MED12: variants seen among roughly 807,000 people sequenced by gnomAD.
MED12 encodes mediator of RNA polymerase II transcription subunit 12.
In MED12, 10 loss-of-function variants were observed where a neutral mutation model predicts 177.7. The ratio of observed to expected loss-of-function variants is 0.06; its 90% CI spans 0.03 to 0.10. The LOEUF (loss-of-function observed/expected upper bound fraction) is 0.10. MED12 is among the 10% of genes least tolerant of loss of function. The pLI is 1.00. For missense variants in MED12, 867 were observed against 1,780.8 expected (o/e 0.49, Z 9.23); for synonymous variants, 641 against 678.4 (o/e 0.94, Z 0.86).
Position 71,137,173 on chromosome X carries a change from A to G in MED12, c.5552-14A>G. 1 of 1,209,512 alleles carries G rather than the reference A, an allele frequency of 8.3e-7. No homozygotes were observed. The highest frequency in any genetic ancestry group is 1.7e-5 in the African/African-American group (1 of 57,424). On this transcript the variant is annotated splice_polypyrimidine_tract_variant and intron_variant, in intron 38 of 44. Coordinates refer to ENST00000374080, the MANE Select transcript of MED12 (RefSeq NM_005120.3). ...GGATGAGGAGCCTAGAGGTCAGCCC[A>G]CTCTCCTTTTCAGGTGGCCCTCGTG...
At position 71,128,217 on chromosome X, in the gene MED12, G is replaced by A; in HGVS notation, c.3210-79G>A. Reference sequence around the variant, plus strand: ...GGTACTACAACCTTGATTATTTAGTGGGGCAGAGATGAGAAGTTAATGGGT... The same window carrying A: ...GGTACTACAACCTTGATTATTTAGTAGGGCAGAGATGAGAAGTTAATGGGT... On this transcript the variant is annotated intron_variant, in intron 22 of 44. Transcript: ENST00000374080. The A allele has an allele frequency of 3.3e-6, 4 of 1,199,182 alleles. No homozygotes were observed. In the South Asian group the frequency reaches 7.1e-5, roughly 21 times the overall value.
At chrX:71,137,152 G>A (rs2147828744) in intron 38 of MED12, 35 bp from the exon 39 acceptor site, 1 of 1,198,545 alleles carries the variant, frequency 8.3e-7, no homozygotes. Context: ...ACAGAGGGAT[G>A]AGGAGCCTAG....
At chrX:71,129,526 T>A in intron 26 of MED12, 97 bp downstream of exon 26, 1 of 954,659 alleles carries the variant, frequency 1.0e-6, no homozygotes, top group Non-Finnish European at 1.5e-6. Context: ...GAAGGTGGTC[T>A]CTCTGACCTT....
At chrX:71,119,521 TAAG>T (rs2092284300) in intron 2 of MED12, 44 bp downstream of exon 2, 24 of 1,133,135 alleles carry the variant, frequency 2.1e-5, no homozygotes, top group Non-Finnish European at 2.9e-5. Flanking sequence ...TGGAAGAATC[TAAG>T]AAGGAGCAAA....
chrX:71,120,261 C>A, intron 4 of MED12, 91 bp downstream of exon 4: 1 of 980,919 alleles, frequency 1.0e-6, no homozygotes, highest in Non-Finnish European at 1.4e-6. Context: ...AATCTAGATT[C>A]CTTGTTTCTG....
intron 12 of MED12, among the ~76,000 whole-genome samples, 162 bp from the exon 13 acceptor site, chrX:71,123,997 T>C: frequency 8.9e-6 from 1 of 112,474 alleles, no homozygotes; most frequent in Non-Finnish European, 1.9e-5. Flanking sequence ...TCTGAGATGA[T>C]GTGTGGGACA....
At chrX:71,140,080 C>CTTTT (rs746271800) in intron 41 of MED12, among the ~76,000 whole-genome samples, 6 of 88,642 alleles carry the variant, frequency 6.8e-5, no homozygotes, top group Admixed American at 1.3e-4. Context: ...TCTTTTCTTT[C>CTTTT]TTTTTTTTTT....
rs777453338 is a variant in MED12, at chrX:71,137,936, A to C, written c.6037A>C (p.Thr2013Pro). 4.0e-5 allele frequency: 48 copies of C among 1,207,804 alleles called. No homozygotes were observed. Among genetic ancestry groups the C allele is most frequent in the Non-Finnish European group, 5.4e-5 (48 of 893,429 alleles). The part of the protein sequence containing the change: ...APTYGHGLTS[T>P]QRFSHQTLQQ... ...CACCTATGGACATGGACTGACCTCC[A>C]CTCAAAGGTACCCAAAGTAGTGGTG... Residue 2013 changes from threonine (T) to proline (P), a missense_variant, in exon 41 of 45, where the codon ACT (threonine) becomes CCT (proline). Transcript: ENST00000374080.
intron 31 of MED12, 43 bp from the exon 32 acceptor site, chrX:71,132,802 T>C (rs41307365): frequency 1.5e-4 from 90 of 618,833 alleles, no homozygotes; most frequent in Middle Eastern, 5.8e-4. Flanking sequence ...TCTCTTCTCT[T>C]CTCTTCTCTT....
chrX:71,127,989 A>G lies in MED12; in HGVS notation c.3078A>G (p.Leu1026=), dbSNP rs1363532521. The G allele has an allele frequency of 1.7e-6, 2 of 1,208,602 alleles. No homozygotes were observed. Among genetic ancestry groups the G allele is most frequent in the Non-Finnish European group, 2.2e-6 (2 of 894,442 alleles). ...CACCTGAGTTCATGATCGACACTCT[A>G]GAGAACCCTGCAGCTCACACCTTCA... ...RWAPEFMIDT[L]ENPAAHTFTY... Residue 1026 remains leucine (L), a synonymous_variant, in exon 22 of 45, where the codon CTA becomes CTG. Transcript: ENST00000374080.
Position 71,134,471 on chromosome X carries a change from A to G in MED12, c.4727+5A>G. On this transcript the variant is annotated splice_donor_5th_base_variant and intron_variant, in intron 34 of 44. Transcript: ENST00000374080. ...TGTCGACATGCAGTCCAACAAGTAA[A>G]GCATCCCCACCCGCTCCCTGCAGTT... is the stretch of plus-strand genomic sequence containing the variant. 1 of 1,084,538 alleles carries G rather than the reference A, an allele frequency of 9.2e-7. No individual in the cohort carries two copies. Among genetic ancestry groups the G allele is most frequent in the Non-Finnish European group, 1.3e-6 (1 of 796,675 alleles). 89.4% of individuals were successfully genotyped at this position (1,084,538 alleles called of 1,213,427 possible).
rs372061858 is a variant in MED12 at position 71,140,585 on chromosome X, C to T, written c.6045-50C>T. The T allele has an allele frequency of 8.6e-4, 1,041 of 1,208,820 alleles. 7 individuals carry two copies. Among genetic ancestry groups the T allele is most frequent in the Middle Eastern group, 6.0e-3 (26 of 4,353 alleles). On this transcript the variant is annotated intron_variant, in intron 41 of 44. Transcript: ENST00000374080. ...GGGACCCAAGGTTTATACTGACCCC[C>T]TCTCCTCACCTCCCTCATGCCTTGA...
intron 31 of MED12, 80 bp from the exon 32 acceptor site, chrX:71,132,765 C>CT (rs2092320970): frequency 1.1e-5 from 9 of 827,858 alleles, no homozygotes; most frequent in East Asian, 1.0e-4. Flanking sequence ...CTCCTCTTCT[C>CT]TCCTCTTCTC....
intron 17 of MED12, 66 bp from the exon 18 acceptor site, chrX:71,125,970 C>T (rs912323518): frequency 2.9e-6 from 2 of 678,569 alleles, no homozygotes; most frequent in Non-Finnish European, 4.7e-6. Flanking sequence ...CCATACCCCA[C>T]TCCCCACCCC....
intron 42 of MED12, 93 bp from the exon 43 acceptor site, chrX:71,141,137 C>G (rs1458107413): frequency 8.6e-7 from 1 of 1,159,745 alleles, no homozygotes; most frequent in East Asian, 3.3e-5. Context: ...CGAGCTCCCA[C>G]CCTGCTTCCT....
At chrX:71,127,727 G>A (rs957766785) in intron 21 of MED12, 166 bp from the exon 22 acceptor site, 9 of 505,214 alleles carry the variant, frequency 1.8e-5, no homozygotes, top group Admixed American at 1.7e-4. Flanking sequence ...TTATTCCCAT[G>A]TGGTTCCTTT....
chrX:71,123,356 G>C, intron 11 of MED12, 130 bp downstream of exon 11: 1 of 957,424 alleles, frequency 1.0e-6, no homozygotes, highest in Non-Finnish European at 1.5e-6. Context: ...AAGCAAAAGA[G>C]AACCTAAAGG....
intron 13 of MED12, 66 bp from the exon 14 acceptor site, chrX:71,124,698 G>T (rs1306824614): frequency 6.6e-6 from 6 of 914,511 alleles, no homozygotes; most frequent in Non-Finnish European, 9.5e-6. Context: ...CCCCAATGAA[G>T]TTTTACAGAT....
At position 71,134,611 on chromosome X, in the gene MED12, GA is replaced by G. The variant is rs930040778; in HGVS notation, c.4728-101del. ...CCCCATACAGTTTTGGTGCCCTTGG[GA>G]TGACATATTAAGCACCTCTCCCTGC... On this transcript the variant is annotated intron_variant, in intron 34 of 44. Transcript: ENST00000374080. 5 of 1,105,038 alleles carry G rather than the reference GA, an allele frequency of 4.5e-6. No homozygotes were observed. In the African/African-American group the frequency reaches 7.3e-5, roughly 16 times the overall value. The allele number at this position is 1,105,038 out of a possible 1,213,427, so 91.1% of individuals were successfully genotyped here.
Sources: gnomAD v4.1 joint callset for allele counts (sites outside exome capture counted in the v4.1 genomes callset) on GRCh38, gnomAD v4.1.1 for gene constraint, MANE v1.5 for transcripts, NCBI Gene and HGNC (gene_info 2026-07-23, HGNC 2026-07-21) for gene names.